SYNE1: variants seen among roughly 807,000 people sequenced by gnomAD.
SYNE1 encodes the protein nesprin-1.
A neutral mutation model predicts 1,111.0 loss-of-function variants in SYNE1; 616 were observed. That is an observed-to-expected ratio of 0.55 (90% CI 0.52 to 0.59). The LOEUF (loss-of-function observed/expected upper bound fraction) is 0.59, where lower values mean the gene tolerates loss of function less well. SYNE1 is among the 20% of genes least tolerant of loss of function. The probability of loss-of-function intolerance (pLI) is 0.00; values close to 1 mark genes in which losing one functional copy is unlikely to be tolerated. For synonymous variants in SYNE1, 3,855 were observed against 3,825.8 expected (o/e 1.01, Z -0.28); for missense variants, 10,006 against 10,417.0 (o/e 0.96, Z 1.72).
chr6:152,251,239 C>T (rs1461433748), intron 104 of SYNE1, among the ~76,000 whole-genome samples: 1 of 151,898 alleles, frequency 6.6e-6, no homozygotes, highest in East Asian at 2.0e-4. Context: ...GCGTGAGCCA[C>T]CGCACCCGGC....
At chr6:152,479,795 C>T (rs9371252) in intron 14 of SYNE1, among the ~76,000 whole-genome samples, 78,625 of 151,598 alleles carry the variant, frequency 0.52, 22,105 homozygotes, top group East Asian at 0.76. Flanking sequence ...AGTTCTTACA[C>T]ATATATACAT....
chr6:152,479,394 T>C (rs2098865257), intron 14 of SYNE1, among the ~76,000 whole-genome samples: 1 of 152,218 alleles, frequency 6.6e-6, no homozygotes, highest in Non-Finnish European at 1.5e-5. Flanking sequence ...CATGATTCCT[T>C]ATGACTGAAA....
chr6:152,321,628 A>G (rs2095870533), intron 83 of SYNE1, 93 bp downstream of exon 83: 1 of 1,498,846 alleles, frequency 6.7e-7, no homozygotes, highest in Non-Finnish European at 9.2e-7. Flanking sequence ...TTTTAATTCA[A>G]TATTCAATAA....
At chr6:152,390,576 A>T (rs2097595680) in intron 52 of SYNE1, 124 bp from the exon 53 acceptor site, 1 of 974,876 alleles carries the variant, frequency 1.0e-6, no homozygotes, top group African/African-American at 1.6e-5. Context: ...TGAAAACAAC[A>T]AACTCTGGGC....
intron 131 of SYNE1, among the ~76,000 whole-genome samples, chr6:152,161,304 TTTCTC>T (rs1005393705): frequency 6.7e-5 from 10 of 148,496 alleles, no homozygotes; most frequent in African/African-American, 2.2e-4. Context: ...CTATGGTAAT[TTTCTC>T]CTCTCTATTT....
intron 104 of SYNE1, among the ~76,000 whole-genome samples, chr6:152,253,450 A>G (rs2089885093): frequency 6.6e-6 from 1 of 152,182 alleles, no homozygotes; most frequent in Admixed American, 6.5e-5. Flanking sequence ...GGCAGTTAAT[A>G]TGAGTATGAG....
At chr6:152,305,534 G>T (rs1179884030) in intron 91 of SYNE1, among the ~76,000 whole-genome samples, 3 of 152,086 alleles carry the variant, frequency 2.0e-5, no homozygotes, top group Non-Finnish European at 4.4e-5. Flanking sequence ...AAAGTACTGG[G>T]ATTACAAGTG....
At chr6:152,411,207 C>T (rs1592137949) in intron 42 of SYNE1, among the ~76,000 whole-genome samples, 1 of 152,192 alleles carries the variant, frequency 6.6e-6, no homozygotes, top group African/African-American at 2.4e-5. Flanking sequence ...ATATCTTTGT[C>T]AAAACAATTG....
At chr6:152,247,772 C>G (rs2087746923) in intron 105 of SYNE1, among the ~76,000 whole-genome samples, 1 of 145,002 alleles carries the variant, frequency 6.9e-6, no homozygotes, top group Non-Finnish European at 1.5e-5. Flanking sequence ...CACACACACA[C>G]ACACACACAT....
At chr6:152,606,978 CTTTTTTTTTTTTT>C (rs71017544) in intron 3 of SYNE1, among the ~76,000 whole-genome samples, 1 of 62,210 alleles carries the variant, frequency 1.6e-5, no homozygotes, top group Non-Finnish European at 2.8e-5. Context: ...CCTCGGTTCT[CTTTTTTTTTTTTT>C]TTTTTTTTTT....
chr6:152,549,552 C>T (rs910334267), intron 3 of SYNE1, among the ~76,000 whole-genome samples: 8 of 152,268 alleles, frequency 5.3e-5, no homozygotes, highest in African/African-American at 1.9e-4. Context: ...CTAGGCCTTT[C>T]CTGTTTTAAT....
At chr6:152,601,299 T>C (rs1453307623) in intron 3 of SYNE1, among the ~76,000 whole-genome samples, 1 of 152,198 alleles carries the variant, frequency 6.6e-6, no homozygotes, top group Non-Finnish European at 1.5e-5. Flanking sequence ...AAGGCCATGA[T>C]CAATAGTAGA....
intron 76 of SYNE1, chr6:152,335,780 C>T (rs9397097): frequency 0.79 from 119,655 of 151,978 alleles, 47,517 homozygotes; most frequent in African/African-American, 0.89. Flanking sequence ...ACCTCCGCCT[C>T]CCAAGTTCAA....
intron 104 of SYNE1, among the ~76,000 whole-genome samples, chr6:152,249,622 G>A (rs932541661): frequency 6.6e-6 from 1 of 152,080 alleles, no homozygotes; most frequent in African/African-American, 2.4e-5. Flanking sequence ...TAACCTATAG[G>A]TGTTATCCTG....
rs757038942 is a variant in SYNE1 at position 152,329,857 on chromosome 6, G to A, written c.14828C>T (p.Ala4943Val). The A allele has an allele frequency of 6.8e-6, 11 of 1,614,124 alleles. No individual in the cohort carries two copies. The highest frequency in any genetic ancestry group is 2.2e-5 in the South Asian group (2 of 91,088). ...EVQSSLRIMN[A>V]LSHKEKEKFT... Reference sequence around the variant, plus strand: ...CTTCTCCTTTTCCTTGTGACTCAGCGCATTCATGATTCTCAAGCTGGACTG... The same window carrying A: ...CTTCTCCTTTTCCTTGTGACTCAGCACATTCATGATTCTCAAGCTGGACTG... The change falls in exon 78 of 146, where the codon GCG becomes GTG. Residue 4943 changes from alanine to valine, a missense_variant. Physicochemically the swap from Ala to Val is moderately conservative, Grantham distance 64. This residue lies in a region of SYNE1 where 4,955 missense variants were observed against 5,017.2 expected (regional missense o/e 0.99). Transcript: ENST00000367255.
At chr6:152,362,873 A>T (rs1027305956) in intron 63 of SYNE1, among the ~76,000 whole-genome samples, 2 of 151,930 alleles carry the variant, frequency 1.3e-5, no homozygotes, top group African/African-American at 4.8e-5. Context: ...CCTTGTCTCA[A>T]TACACATGCT....
At chr6:152,329,644 A>T in intron 78 of SYNE1, 86 bp downstream of exon 78, 2 of 1,558,940 alleles carry the variant, frequency 1.3e-6, no homozygotes, top group Non-Finnish European at 1.8e-6. Flanking sequence ...TTAAAGAAGC[A>T]ATTATAACCA....
At chr6:152,558,229 C>T (rs1323686152) in intron 3 of SYNE1, among the ~76,000 whole-genome samples, 1 of 151,864 alleles carries the variant, frequency 6.6e-6, no homozygotes, top group Admixed American at 6.6e-5. Context: ...TTAAAACATA[C>T]CACCACAAAA....
chr6:152,477,784 A>C (rs1277628974), intron 14 of SYNE1, among the ~76,000 whole-genome samples: 1 of 152,178 alleles, frequency 6.6e-6, no homozygotes, highest in African/African-American at 2.4e-5. Context: ...AAGACCAGAA[A>C]GGTACAGCCA....
Sources: gnomAD v4.1 joint callset for allele counts (sites outside exome capture counted in the v4.1 genomes callset) on GRCh38, gnomAD v4.1.1 for gene constraint, gnomAD v4.1.1 regional missense constraint, MANE v1.5 for transcripts, NCBI Gene and HGNC (gene_info 2026-07-23, HGNC 2026-07-21) for gene names.